CALN1: variants seen among roughly 807,000 people sequenced by gnomAD.
CALN1 encodes the protein calcium-binding protein 8.
Under a neutral mutation model 30.6 loss-of-function variants are expected in CALN1, and 17 were observed. The observed-to-expected ratio is 0.56, with a 90% CI of 0.38 to 0.83. CALN1 has a LOEUF of 0.83. CALN1 is among the 40% of genes least tolerant of loss of function. The pLI is 0.00. For missense variants in CALN1, 291 were observed against 354.9 expected, an observed-to-expected ratio of 0.82 and a Z score of 1.45; for synonymous variants, 156 against 131.4, an observed-to-expected ratio of 1.19 and a Z score of -1.28.
intron 5 of CALN1, among the ~76,000 whole-genome samples, chr7:71,980,623 G>T (rs1406850583): frequency 6.6e-6 from 1 of 152,138 alleles, no homozygotes; most frequent in South Asian, 2.1e-4. Context: ...TCCAGTGGGC[G>T]ATAGAAGGGC....
Position 72,412,134 on chromosome 7 carries a change from G to A in CALN1, c.-150C>T, listed in dbSNP as rs1159536585. ...AGAATAAAACCACGGACCTCGCGGT[G>A]AGTGTTACAGCTCTTAAAGATGGCG... On this transcript the variant is annotated 5_prime_UTR_variant, in exon 1 of 7. Coordinates refer to ENST00000395275, the MANE Select transcript of CALN1 (RefSeq NM_031468.4). 1.3e-5 allele frequency: 2 copies of A among 152,710 alleles called. No homozygotes were observed. The highest frequency in any genetic ancestry group is 4.8e-5 in the African/African-American group (2 of 41,400). 9.5% of individuals were successfully genotyped at this position (152,710 alleles called of 1,614,324 possible).
At chr7:72,365,290 G>C (rs1208826980) in intron 2 of CALN1, among the ~76,000 whole-genome samples, 2 of 152,032 alleles carry the variant, frequency 1.3e-5, no homozygotes, top group African/African-American at 4.8e-5. Flanking sequence ...AAAAAGTTGT[G>C]CCACTGCACT....
the CALN1 span, among the ~76,000 whole-genome samples, chr7:72,501,636 C>T: frequency 2.9e-4 from 43 of 150,054 alleles, no homozygotes; most frequent in Non-Finnish European, 3.7e-4. Flanking sequence ...CTTGGCTGGG[C>T]GCAGTGGCTC....
At chr7:72,478,355 A>T in the CALN1 span, among the ~76,000 whole-genome samples, 2 of 147,466 alleles carry the variant, frequency 1.4e-5, no homozygotes, top group Non-Finnish European at 3.0e-5. Flanking sequence ...ATAAATATAA[A>T]TGTAATATAT....
chr7:72,467,798 G>C, the CALN1 span, among the ~76,000 whole-genome samples: 7 of 152,166 alleles, frequency 4.6e-5, no homozygotes, highest in Non-Finnish European at 1.0e-4. Context: ...AGTGCATTTA[G>C]TACATCCACC....
intron 3 of CALN1, among the ~76,000 whole-genome samples, chr7:72,149,478 A>C (rs73130003): frequency 1.3e-5 from 2 of 152,116 alleles, no homozygotes; most frequent in Non-Finnish European, 2.9e-5. Context: ...AAAATAAATA[A>C]AATTAAAATT....
chr7:72,412,567 A>G (rs963518803), upstream of CALN1, among the ~76,000 whole-genome samples: 7 of 152,164 alleles, frequency 4.6e-5, no homozygotes, highest in African/African-American at 1.4e-4. Flanking sequence ...CTAGCTAGAC[A>G]GAAAAGTTCT....
rs113804323 is a variant in CALN1 at position 72,165,296 on chromosome 7, C to T, written c.245-59002G>A. Among the ~76,000 whole-genome samples, 779 of 152,188 alleles carry T rather than the reference C, an allele frequency of 5.1e-3. 4 individuals are homozygous for T. The highest frequency in any genetic ancestry group is 0.018 in the African/African-American group (738 of 41,504). ...AGTGGCGGCCAGGCATGGTGACTGG[C>T]TTCTGTAATCTCAGCACTTTGAGAA... On this transcript the variant is annotated intron_variant, in intron 3 of 6. Coordinates refer to ENST00000395275, the MANE Select transcript of CALN1 (RefSeq NM_031468.4).
At chr7:72,117,399 ACC>A (rs1808061667) in intron 3 of CALN1, among the ~76,000 whole-genome samples, 5 of 152,186 alleles carry the variant, frequency 3.3e-5, no homozygotes, top group African/African-American at 1.2e-4. Context: ...GTGATGCTAT[ACC>A]GGTCAGGCTG....
At chr7:72,024,239 C>G (rs844785) in intron 4 of CALN1, among the ~76,000 whole-genome samples, 43,281 of 152,028 alleles carry the variant, frequency 0.28, 9,607 homozygotes, top group African/African-American at 0.62. Context: ...CCTTTTCAAC[C>G]ATGAAGGTGA....
At chr7:72,430,475 C>G (rs927619489) in intron 1 of CALN1, among the ~76,000 whole-genome samples, 1 of 151,822 alleles carries the variant, frequency 6.6e-6, no homozygotes, top group African/African-American at 2.4e-5. Context: ...TTTAGGTCAC[C>G]TGCTTTAAGT....
chr7:72,108,522 C>T (rs1436422127), intron 3 of CALN1, among the ~76,000 whole-genome samples: 1 of 152,206 alleles, frequency 6.6e-6, no homozygotes, highest in South Asian at 2.1e-4. Context: ...ATCTTGGATG[C>T]TAATCTGCCA....
At chr7:72,309,194 G>C (rs1799869245) in intron 2 of CALN1, among the ~76,000 whole-genome samples, 1 of 152,174 alleles carries the variant, frequency 6.6e-6, no homozygotes, top group South Asian at 2.1e-4. Context: ...CTACGGGAGG[G>C]AGACTATTCA....
intron 5 of CALN1, among the ~76,000 whole-genome samples, chr7:71,999,925 G>C (rs1799443350): frequency 6.6e-6 from 1 of 151,852 alleles, no homozygotes; most frequent in Non-Finnish European, 1.5e-5. Flanking sequence ...TATGTTACCT[G>C]GCCATAATGA....
chr7:72,395,493 A>C (rs2129561659), intron 2 of CALN1, among the ~76,000 whole-genome samples: 1 of 152,348 alleles, frequency 6.6e-6, no homozygotes, highest in Non-Finnish European at 1.5e-5. Flanking sequence ...ACTCTCCAAG[A>C]GGCAGATACA....
At chr7:72,296,258 A>G (rs368352299) in intron 2 of CALN1, among the ~76,000 whole-genome samples, 169 of 150,098 alleles carry the variant, frequency 1.1e-3, no homozygotes, top group South Asian at 0.011. Flanking sequence ...TGCTGGATTC[A>G]GTTTGCCAGT....
chr7:72,266,974 G>A (rs2129553178), intron 3 of CALN1, among the ~76,000 whole-genome samples: 1 of 152,324 alleles, frequency 6.6e-6, no homozygotes, highest in East Asian at 1.9e-4. Flanking sequence ...TCCCAGCTCA[G>A]GGCAGAGCTG....
intron 5 of CALN1, among the ~76,000 whole-genome samples, chr7:71,980,796 CAGAG>C (rs140617569): frequency 0.031 from 4,710 of 152,212 alleles, 205 homozygotes; most frequent in African/African-American, 0.1. Context: ...GGTACAGAAA[CAGAG>C]AGAGGTAGCG....
At chr7:71,992,179 A>C (rs905410033) in intron 5 of CALN1, among the ~76,000 whole-genome samples, 3 of 152,204 alleles carry the variant, frequency 2.0e-5, no homozygotes, top group Non-Finnish European at 2.9e-5. Flanking sequence ...TCTAAGATGG[A>C]ATGTTAAATA....
Sources: allele counts gnomAD v4.1 joint callset (sites outside exome capture counted in the v4.1 genomes callset), GRCh38; gene constraint gnomAD v4.1.1; transcripts MANE v1.5; gene names NCBI Gene and HGNC (gene_info 2026-07-23, HGNC 2026-07-21).